Variants in LIMS1 observed in about 807,000 individuals in gnomAD.
LIMS1 encodes the protein LIM and senescent cell antigen-like-containing domain protein 1.
Under a neutral mutation model 44.1 loss-of-function variants are expected in LIMS1, and 18 were observed. The observed-to-expected ratio is 0.41, with a 90% CI of 0.28 to 0.61. The LOEUF (loss-of-function observed/expected upper bound fraction) is 0.61, where lower values mean the gene tolerates loss of function less well. Among genes scored for constraint, LIMS1 ranks in the 20% least tolerant of loss-of-function variants. The pLI is 0.32. For synonymous variants in LIMS1, 93 were observed against 149.1 expected, an observed-to-expected ratio of 0.62 and a Z score of 2.74; for missense variants, 201 against 422.0, an observed-to-expected ratio of 0.48 and a Z score of 4.59.
intron 1 of LIMS1, among the ~76,000 whole-genome samples, chr2:108,597,586 A>C (rs1372863407): frequency 1.3e-5 from 2 of 152,174 alleles, no homozygotes; most frequent in Admixed American, 1.3e-4. Context: ...TGTGTGAAAG[A>C]GACAGAGGCA....
At chr2:108,641,679 G>A (rs60175711) in intron 1 of LIMS1, among the ~76,000 whole-genome samples, 3,826 of 152,206 alleles carry the variant, frequency 0.025, 157 homozygotes, top group African/African-American at 0.087. Context: ...TTGAGAAAAT[G>A]TACATTATTT....
chr2:108,662,487 T>C (rs548731118), intron 2 of LIMS1: 2 of 1,357,482 alleles, frequency 1.5e-6, no homozygotes, highest in East Asian at 2.6e-5. Context: ...ACTAGGCTAT[T>C]CATGGGCTGT....
chr2:108,593,802 TA>T (rs1290934755), intron 1 of LIMS1, among the ~76,000 whole-genome samples: 2 of 152,246 alleles, frequency 1.3e-5, no homozygotes, highest in African/African-American at 4.8e-5. Flanking sequence ...TTCTTAGTCA[TA>T]AAAGGTACTT....
intron 1 of LIMS1, among the ~76,000 whole-genome samples, chr2:108,612,400 C>T (rs1405374625): frequency 6.6e-6 from 1 of 151,914 alleles, no homozygotes; most frequent in East Asian, 1.9e-4. Flanking sequence ...GCTTCCAGTG[C>T]GTGTTGCTGT....
intron 1 of LIMS1, among the ~76,000 whole-genome samples, chr2:108,596,252 A>G (rs950668838): frequency 4.6e-5 from 7 of 152,256 alleles, no homozygotes; most frequent in Non-Finnish European, 8.8e-5. Flanking sequence ...AATTCTTACA[A>G]AAGAGTGTGA....
intron 8 of LIMS1, among the ~76,000 whole-genome samples, chr2:108,679,687 CAGG>C (rs1278121386): frequency 1.3e-5 from 2 of 151,880 alleles, no homozygotes; most frequent in Non-Finnish European, 2.9e-5. Flanking sequence ...GAGGCCGAGA[CAGG>C]AGAATTTCTT....
At chr2:108,661,412 T>C (rs959279283) in intron 2 of LIMS1, among the ~76,000 whole-genome samples, 6 of 152,162 alleles carry the variant, frequency 3.9e-5, no homozygotes, top group African/African-American at 1.4e-4. Context: ...TTCCTGTTCT[T>C]CCTGACTCCT....
intron 1 of LIMS1, among the ~76,000 whole-genome samples, chr2:108,582,773 CAAAATA>C (rs2104658895): frequency 6.6e-6 from 1 of 151,888 alleles, no homozygotes; most frequent in East Asian, 1.9e-4. Flanking sequence ...GATGTTGTCT[CAAAATA>C]AAAATAAAAA....
chr2:108,633,529 A>G (rs189856394), intron 1 of LIMS1, among the ~76,000 whole-genome samples: 3 of 152,338 alleles, frequency 2.0e-5, no homozygotes, highest in African/African-American at 7.2e-5. Context: ...AACTCTTTGA[A>G]GCTCAGTTAT....
intron 1 of LIMS1, among the ~76,000 whole-genome samples, chr2:108,591,789 G>T (rs377733009): frequency 2.7e-4 from 25 of 91,392 alleles, no homozygotes; most frequent in African/African-American, 5.3e-4. Flanking sequence ...AATGTTTTTA[G>T]TTTTTTTTTT....
At chr2:108,550,494 ATC>A (rs1284507222) in intron 1 of LIMS1, among the ~76,000 whole-genome samples, 1 of 144,566 alleles carries the variant, frequency 6.9e-6, no homozygotes, top group Non-Finnish European at 1.5e-5. Context: ...GCGAGACTCC[ATC>A]TCAAAAAAAT....
chr2:108,545,579 G>A (rs887047214), intron 1 of LIMS1, among the ~76,000 whole-genome samples: 11 of 152,102 alleles, frequency 7.2e-5, no homozygotes, highest in African/African-American at 2.4e-4. Context: ...TTGGTAGTTG[G>A]ATCTAAAAAA....
At chr2:108,585,150 C>CAAAAA (rs35679577) in intron 1 of LIMS1, among the ~76,000 whole-genome samples, 10 of 69,354 alleles carry the variant, frequency 1.4e-4, no homozygotes, top group Non-Finnish European at 2.1e-4. Context: ...GACTCCGTCT[C>CAAAAA]AAAAAAAAAA....
At chr2:108,586,958 C>A (rs1686132068) in intron 1 of LIMS1, among the ~76,000 whole-genome samples, 1 of 152,172 alleles carries the variant, frequency 6.6e-6, no homozygotes, top group Admixed American at 6.5e-5. Flanking sequence ...TAAATCAAAG[C>A]CAGAAAAACA....
chr2:108,666,155 C>T (rs1206200491), intron 2 of LIMS1, among the ~76,000 whole-genome samples: 1 of 152,198 alleles, frequency 6.6e-6, no homozygotes, highest in East Asian at 1.9e-4. Context: ...GGACTGTCCT[C>T]CTTCTGATGC....
chr2:108,664,864 T>C (rs1255863870), intron 2 of LIMS1, among the ~76,000 whole-genome samples: 1 of 152,130 alleles, frequency 6.6e-6, no homozygotes, highest in African/African-American at 2.4e-5. Flanking sequence ...TTCTAAGTCC[T>C]CCTATTCTGG....
chr2:108,665,600 C>T (rs1022573315), intron 2 of LIMS1, among the ~76,000 whole-genome samples: 1 of 152,074 alleles, frequency 6.6e-6, no homozygotes, highest in Admixed American at 6.5e-5. Context: ...GATCTTGGCT[C>T]ACTGCAACCT....
intron 1 of LIMS1, among the ~76,000 whole-genome samples, chr2:108,556,813 T>C (rs1348019374): frequency 1.3e-5 from 2 of 152,176 alleles, no homozygotes; most frequent in East Asian, 3.9e-4. Context: ...TGCTTGTGAT[T>C]AGGCAAATCT....
chr2:108,534,665 G>C, intron 1 of LIMS1, 71 bp downstream of exon 1: 1 of 896,440 alleles, frequency 1.1e-6, no homozygotes, highest in Non-Finnish European at 1.3e-6. Flanking sequence ...GGCCGGGCCG[G>C]GCCGGGCCTG....
Sources: allele counts gnomAD v4.1 joint callset (sites outside exome capture counted in the v4.1 genomes callset), GRCh38; gene constraint gnomAD v4.1.1; transcripts MANE v1.5; gene names NCBI Gene and HGNC (gene_info 2026-07-23, HGNC 2026-07-21).